The following PLEKHG1 variants were observed in gnomAD, a reference collection of about 807,000 sequenced individuals.
PLEKHG1 encodes pleckstrin homology domain-containing family G member 1.
A neutral mutation model predicts 100.8 loss-of-function variants in PLEKHG1; 44 were observed. That is an observed-to-expected ratio of 0.44 (90% CI 0.34 to 0.56). PLEKHG1 has a LOEUF of 0.56. Ranked by LOEUF, PLEKHG1 falls within the 20% of genes least tolerant of loss-of-function variation. PLEKHG1 has a pLI of 0.01. For synonymous variants in PLEKHG1, 640 were observed against 662.5 expected (o/e 0.97, Z 0.52); for missense variants, 1,545 against 1,720.9 (o/e 0.90, Z 1.81).
chr6:150,636,551 A>G (rs1778007299), intron 1 of PLEKHG1, among the ~76,000 whole-genome samples: 1 of 151,972 alleles, frequency 6.6e-6, no homozygotes, highest in South Asian at 2.1e-4. Context: ...CCTTCACAAG[A>G]GTACAGACAT....
At chr6:150,649,387 T>G (rs534828109) in intron 2 of PLEKHG1, among the ~76,000 whole-genome samples, 2 of 152,350 alleles carry the variant, frequency 1.3e-5, no homozygotes, top group South Asian at 2.1e-4. Flanking sequence ...GTGCCTGCCT[T>G]TAATGTTCCC....
rs113331411 is a variant in PLEKHG1 at position 150,770,511 on chromosome 6, G to A, written c.512+1773G>A. ...CCCACTGGAATCACCTGGGAAGCTG[G>A]ATCCTACCTTCAGAAATTCTGACTC... is the stretch of plus-strand genomic sequence containing the variant. On this transcript the variant is annotated intron_variant, in intron 3 of 15. Transcript: ENST00000358517. Among the ~76,000 whole-genome samples, 358 of 152,268 alleles carry A rather than the reference G, an allele frequency of 2.4e-3. 4 individuals carry two copies. The highest frequency in any genetic ancestry group is 8.3e-3 in the African/African-American group (343 of 41,546).
intron 3 of PLEKHG1, among the ~76,000 whole-genome samples, chr6:150,696,908 G>A (rs1428377109): frequency 6.6e-6 from 1 of 152,086 alleles, no homozygotes; most frequent in African/African-American, 2.4e-5. Flanking sequence ...AGGAGTTCAA[G>A]ACCAGCCTGG....
intron 2 of PLEKHG1, among the ~76,000 whole-genome samples, chr6:150,752,592 A>C (rs1783583369): frequency 6.6e-6 from 1 of 152,220 alleles, no homozygotes; most frequent in Admixed American, 6.5e-5. Context: ...TCCAAGGTTC[A>C]TTCATGTTGC....
At chr6:150,652,312 A>C (rs1199211653) in intron 3 of PLEKHG1, among the ~76,000 whole-genome samples, 1 of 152,226 alleles carries the variant, frequency 6.6e-6, no homozygotes, top group Non-Finnish European at 1.5e-5. Context: ...CAAGGCCTGC[A>C]ATGGTAAACT....
intron 4 of PLEKHG1, among the ~76,000 whole-genome samples, chr6:150,789,097 A>G (rs1785812308): frequency 6.6e-6 from 1 of 152,204 alleles, no homozygotes; most frequent in African/African-American, 2.4e-5. Context: ...AAGAAACCCT[A>G]AAATCATACA....
chr6:150,716,144 G>C (rs910403690), upstream of PLEKHG1, among the ~76,000 whole-genome samples: 2 of 151,314 alleles, frequency 1.3e-5, no homozygotes, highest in Non-Finnish European at 2.9e-5. Context: ...GTGACCGCAT[G>C]CCTTGTTCTT....
intron 13 of PLEKHG1, 63 bp from the exon 15 acceptor site, chr6:150,823,591 T>G (rs1466852471): frequency 4.6e-6 from 5 of 1,087,180 alleles, no homozygotes; most frequent in Non-Finnish European, 7.0e-6. Flanking sequence ...AAAATATTAG[T>G]GCTTACTTAT....
At chr6:150,682,411 G>A (rs1779966526) in intron 3 of PLEKHG1, among the ~76,000 whole-genome samples, 1 of 152,006 alleles carries the variant, frequency 6.6e-6, no homozygotes, top group African/African-American at 2.4e-5. Context: ...ATCTCCGGGG[G>A]TCATTTTGTT....
At chr6:150,733,691 T>C (rs375956788) in exon 2 of PLEKHG1, 1 of 1,614,212 alleles carries the variant, frequency 6.2e-7, no homozygotes, top group Non-Finnish European at 8.5e-7. Context: ...AATGGAGCTC[T>C]CTGATAGTGA....
chr6:150,703,462 G>A lies in PLEKHG1; in HGVS notation c.-98-30122G>A, dbSNP rs377159364. Among the ~76,000 whole-genome samples, 48 of 152,030 alleles carry A rather than the reference G, an allele frequency of 3.2e-4. No homozygotes were observed. The East Asian group carries it at 7.4e-3, about 23-fold the overall frequency. On this transcript the variant is annotated intron_variant, in intron 3 of 3. Transcript: ENST00000367326. The stretch of plus-strand genomic sequence containing the variant: ...CTAAAAATACAAAAATTAGCCAGGC[G>A]TGGTGGCACATGCCTGTAATCCTAG...
At chr6:150,835,073 G>A (rs1777154426) in intron 15 of PLEKHG1, among the ~76,000 whole-genome samples, 1 of 152,088 alleles carries the variant, frequency 6.6e-6, no homozygotes, top group Non-Finnish European at 1.5e-5. Flanking sequence ...GGAAGGAGGA[G>A]CACCTTATTC....
At chr6:150,605,268 A>G (rs1247748739) in intron 1 of PLEKHG1, among the ~76,000 whole-genome samples, 1 of 152,246 alleles carries the variant, frequency 6.6e-6, no homozygotes, top group African/African-American at 2.4e-5. Context: ...ATCAAGCACA[A>G]AACAATTCCA....
At chr6:150,690,769 C>T (rs1045126662) in intron 3 of PLEKHG1, among the ~76,000 whole-genome samples, 2 of 152,176 alleles carry the variant, frequency 1.3e-5, no homozygotes, top group African/African-American at 2.4e-5. Context: ...AACATTTGCA[C>T]GTTTTATGTT....
At position 150,780,734 on chromosome 6, in the gene PLEKHG1, A is replaced by G. The variant is rs79134176; in HGVS notation, c.513-5656A>G. ...CTGAAAATGTCAAATCTTAGAAAAC[A>G]TAGCATTCCTACGCATGATGTTAAC... On this transcript the variant is annotated intron_variant, in intron 3 of 15. Transcript: ENST00000358517. 7.8e-3 allele frequency among the ~76,000 whole-genome samples: 1,186 copies of G among 152,324 alleles called. 5 individuals are homozygous for G. Among genetic ancestry groups the G allele is most frequent in the Non-Finnish European group, 0.013 (889 of 68,028 alleles).
chr6:150,676,738 T>C (rs543784560), intron 3 of PLEKHG1, among the ~76,000 whole-genome samples: 6 of 152,296 alleles, frequency 3.9e-5, no homozygotes, highest in African/African-American at 1.2e-4. Context: ...TTAATTATAA[T>C]GAGAAAAAAT....
intron 1 of PLEKHG1, chr6:150,633,174 C>T (rs534409260): frequency 6.6e-6 from 1 of 152,352 alleles, no homozygotes; most frequent in South Asian, 2.1e-4. Flanking sequence ...GACCCAATTT[C>T]TGCACTTGAG....
intron 3 of PLEKHG1, among the ~76,000 whole-genome samples, chr6:150,697,753 A>AG (rs1455299566): frequency 2.6e-5 from 4 of 152,206 alleles, no homozygotes; most frequent in Non-Finnish European, 5.9e-5. Context: ...TGCTGTGCAA[A>AG]GGGAAGATGC....
At chr6:150,806,459 C>T (rs1047812967) in intron 7 of PLEKHG1, among the ~76,000 whole-genome samples, 6 of 151,804 alleles carry the variant, frequency 4.0e-5, no homozygotes, top group South Asian at 2.1e-4. Context: ...CCGAGGCAGG[C>T]GGATCACTTG....
Sources: allele counts gnomAD v4.1 joint callset (sites outside exome capture counted in the v4.1 genomes callset), GRCh38; gene constraint gnomAD v4.1.1; transcripts MANE v1.5; gene names NCBI Gene and HGNC (gene_info 2026-07-23, HGNC 2026-07-21).